PGM5: variants seen among roughly 807,000 people sequenced by gnomAD.
PGM5 encodes phosphoglucomutase 5, also known as phosphoglucomutase-like protein 5.
A neutral mutation model predicts 59.2 loss-of-function variants in PGM5; 23 were observed. The observed-to-expected ratio is 0.39, with a 90% CI of 0.28 to 0.55. PGM5 has a LOEUF of 0.55. Ranked by LOEUF, PGM5 falls within the 20% of genes least tolerant of loss-of-function variation. The pLI is 0.66. For missense variants in PGM5, 574 were observed against 748.3 expected (o/e 0.77, Z 2.72); for synonymous variants, 214 against 286.0 (o/e 0.75, Z 2.54).
chr9:68,519,888 T>G (rs755703206), intron 10 of PGM5, among the ~76,000 whole-genome samples: 3 of 139,876 alleles, frequency 2.1e-5, no homozygotes, highest in Non-Finnish European at 4.6e-5. Flanking sequence ...TAAGGAGACC[T>G]TGTCTTTACA....
chr9:68,450,909 T>C (rs1156505777), intron 6 of PGM5, among the ~76,000 whole-genome samples: 1 of 152,236 alleles, frequency 6.6e-6, no homozygotes, highest in African/African-American at 2.4e-5. Context: ...TGGGATGGAA[T>C]GTTCGGAAAT....
chr9:68,407,413 G>A (rs1247835322), intron 6 of PGM5, among the ~76,000 whole-genome samples: 1 of 152,148 alleles, frequency 6.6e-6, no homozygotes, highest in African/African-American at 2.4e-5. Context: ...GATTATAGGC[G>A]TGAGCCACCA....
intron 9 of PGM5, among the ~76,000 whole-genome samples, chr9:68,487,670 T>C (rs1457351723): frequency 1.3e-5 from 2 of 152,136 alleles, no homozygotes; most frequent in Non-Finnish European, 2.9e-5. Flanking sequence ...TTGGGTTAAA[T>C]TCTACTTACT....
chr9:68,401,765 A>G (rs1185578116), intron 6 of PGM5, among the ~76,000 whole-genome samples: 3 of 152,194 alleles, frequency 2.0e-5, no homozygotes, highest in Non-Finnish European at 2.9e-5. Context: ...GTGACTTAAA[A>G]TACTTATTCA....
intron 1 of PGM5, among the ~76,000 whole-genome samples, chr9:68,374,888 A>G (rs191084226): frequency 6.6e-6 from 1 of 152,348 alleles, no homozygotes; most frequent in South Asian, 2.1e-4. Flanking sequence ...AGATGGTAAT[A>G]TGTGTGAGCA....
chr9:68,388,998 CT>C (rs1485240132), intron 4 of PGM5, among the ~76,000 whole-genome samples: 15 of 151,952 alleles, frequency 9.9e-5, no homozygotes, highest in African/African-American at 2.9e-4. Context: ...AGTAACCATT[CT>C]GGTTATTTTT....
intron 1 of PGM5, among the ~76,000 whole-genome samples, chr9:68,361,536 G>A (rs1834580332): frequency 6.6e-6 from 1 of 152,262 alleles, no homozygotes; most frequent in African/African-American, 2.4e-5. Flanking sequence ...AGACTAGCAA[G>A]TTTAAGATCA....
At chr9:68,449,692 G>A (rs1823665495) in intron 6 of PGM5, among the ~76,000 whole-genome samples, 1 of 152,194 alleles carries the variant, frequency 6.6e-6, no homozygotes, top group Non-Finnish European at 1.5e-5. Flanking sequence ...AGTCCCCAAA[G>A]CTAGTGAAAG....
At chr9:68,449,235 A>G (rs1823659511) in intron 6 of PGM5, among the ~76,000 whole-genome samples, 2 of 152,230 alleles carry the variant, frequency 1.3e-5, no homozygotes, top group South Asian at 4.1e-4. Context: ...GTTAAGATTT[A>G]ACATATGAAT....
intron 6 of PGM5, among the ~76,000 whole-genome samples, chr9:68,439,328 T>C (rs534445325): frequency 3.3e-5 from 5 of 151,168 alleles, no homozygotes; most frequent in African/African-American, 4.9e-5. Context: ...TTCATGCCAC[T>C]GCACTCTAGC....
intron 6 of PGM5, among the ~76,000 whole-genome samples, chr9:68,408,236 A>G (rs1587798037): frequency 6.6e-6 from 1 of 152,336 alleles, no homozygotes; most frequent in East Asian, 1.9e-4. Context: ...GGAAATTTCC[A>G]TCAAGGGCCA....
At chr9:68,492,855 G>A (rs912369890) in intron 9 of PGM5, among the ~76,000 whole-genome samples, 2 of 152,072 alleles carry the variant, frequency 1.3e-5, no homozygotes, top group South Asian at 4.1e-4. Context: ...TGCTTTCTAG[G>A]CTGCATGCCC....
chr9:68,358,774 C>A (rs1208883735), intron 1 of PGM5, among the ~76,000 whole-genome samples: 15 of 151,788 alleles, frequency 9.9e-5, no homozygotes, highest in Non-Finnish European at 1.9e-4. Context: ...CATAATAAAA[C>A]GCAATTGGGA....
intron 8 of PGM5, among the ~76,000 whole-genome samples, chr9:68,480,765 T>G (rs1349485212): frequency 6.6e-6 from 1 of 151,640 alleles, no homozygotes; most frequent in Non-Finnish European, 1.5e-5. Context: ...AGGAAACCAT[T>G]ATTTTGGAAG....
chr9:68,488,916 A>G (rs1824341866), intron 9 of PGM5, among the ~76,000 whole-genome samples: 1 of 152,220 alleles, frequency 6.6e-6, no homozygotes, highest in South Asian at 2.1e-4. Context: ...TCAAATGGCT[A>G]AGTAGTTAAA....
chr9:68,385,257 T>A lies in PGM5; in HGVS notation c.571+713T>A, dbSNP rs539838529. On this transcript the variant is annotated intron_variant, in intron 3 of 10. Transcript: ENST00000396396. ...CATTTTCCCCCTGTATTTTATCATA[T>A]TGCTTTTTCCTAGAAGGCATAGAAT... Among the ~76,000 whole-genome samples the A allele has an allele frequency of 2.0e-5, 3 of 152,154 alleles. No individual in the cohort carries two copies. The East Asian group carries it at 5.8e-4, about 29-fold the overall frequency.
At chr9:68,434,686 A>G in intron 6 of PGM5, among the ~76,000 whole-genome samples, 1 of 152,070 alleles carries the variant, frequency 6.6e-6, no homozygotes, top group East Asian at 1.9e-4. Context: ...GGCGCCTGTA[A>G]TCCCAGCTAC....
chr9:68,374,905 T>G (rs1489165392), intron 1 of PGM5, among the ~76,000 whole-genome samples: 4 of 152,160 alleles, frequency 2.6e-5, no homozygotes, highest in Admixed American at 2.6e-4. Flanking sequence ...AGCACATATA[T>G]TTATTATTTC....
intron 6 of PGM5, among the ~76,000 whole-genome samples, chr9:68,442,475 C>G (rs782051913): frequency 6.6e-6 from 1 of 152,160 alleles, no homozygotes; most frequent in Non-Finnish European, 1.5e-5. Flanking sequence ...GTTGGCCAGG[C>G]TGGTCTTGAA....
Sources: allele counts gnomAD v4.1 joint callset (sites outside exome capture counted in the v4.1 genomes callset), GRCh38; gene constraint gnomAD v4.1.1; transcripts MANE v1.5; gene names NCBI Gene and HGNC (gene_info 2026-07-23, HGNC 2026-07-21).